The following CSMD1 variants were observed in gnomAD, a reference collection of about 807,000 sequenced individuals.
The protein encoded by CSMD1 is CUB and sushi domain-containing protein 1.
A neutral mutation model predicts 417.5 loss-of-function variants in CSMD1; 213 were observed. The ratio of observed to expected loss-of-function variants is 0.51; its 90% CI spans 0.46 to 0.57. The LOEUF (loss-of-function observed/expected upper bound fraction) is 0.57, where lower values mean the gene tolerates loss of function less well. Among genes scored for constraint, CSMD1 ranks in the 20% least tolerant of loss-of-function variants. The pLI, the probability that CSMD1 is intolerant of heterozygous loss-of-function variation, is 0.00. For missense variants in CSMD1, 6,923 were observed against 4,529.7 expected, an observed-to-expected ratio of 1.53 and a Z score of -15.17; for synonymous variants, 2,862 against 1,736.8, an observed-to-expected ratio of 1.65 and a Z score of -16.11.
chr8:4,844,373 C>G (rs1282572901), intron 1 of CSMD1, among the ~76,000 whole-genome samples: 1 of 152,080 alleles, frequency 6.6e-6, no homozygotes, highest in Non-Finnish European at 1.5e-5. Context: ...AACTCATGCC[C>G]TTCCCATAGG....
intron 3 of CSMD1, among the ~76,000 whole-genome samples, chr8:4,348,918 C>G (rs1430862464): frequency 6.6e-6 from 1 of 152,136 alleles, no homozygotes; most frequent in African/African-American, 2.4e-5. Context: ...TGTGATATCA[C>G]AGCTATTGTT....
At chr8:4,376,117 A>G (rs1448556647) in intron 3 of CSMD1, among the ~76,000 whole-genome samples, 2 of 152,262 alleles carry the variant, frequency 1.3e-5, no homozygotes, top group East Asian at 1.9e-4. Context: ...CAGCTTATCA[A>G]AAGATATGGA....
chr8:4,246,359 T>C (rs1585090529), intron 3 of CSMD1, among the ~76,000 whole-genome samples: 2 of 152,164 alleles, frequency 1.3e-5, no homozygotes, highest in Admixed American at 6.5e-5. Context: ...GGTCAGTCCT[T>C]AGAAGAGTAG....
intron 11 of CSMD1, among the ~76,000 whole-genome samples, chr8:3,486,426 G>C (rs1485012670): frequency 2.6e-5 from 4 of 152,142 alleles, no homozygotes; most frequent in Non-Finnish European, 5.9e-5. Flanking sequence ...GTTTATTTGA[G>C]ATGAAAAACA....
chr8:3,481,382 A>T (rs931831547), intron 11 of CSMD1, among the ~76,000 whole-genome samples: 10 of 152,190 alleles, frequency 6.6e-5, no homozygotes, highest in Non-Finnish European at 7.3e-5. Context: ...CAATTAGAAC[A>T]GCGTCTGGTA....
chr8:4,724,375 T>C (rs1265072094), intron 1 of CSMD1, among the ~76,000 whole-genome samples: 1 of 152,080 alleles, frequency 6.6e-6, no homozygotes, highest in African/African-American at 2.4e-5. Flanking sequence ...GATTTTCTAG[T>C]TTTCTTATAA....
intron 1 of CSMD1, among the ~76,000 whole-genome samples, chr8:4,827,155 G>A (rs1399844992): frequency 1.3e-5 from 2 of 152,008 alleles, no homozygotes; most frequent in African/African-American, 4.8e-5. Flanking sequence ...AAGAAAACAG[G>A]TATACTAGCA....
intron 54 of CSMD1, among the ~76,000 whole-genome samples, chr8:2,987,951 T>C (rs1229420951): frequency 1.3e-5 from 2 of 151,542 alleles, no homozygotes; most frequent in South Asian, 2.1e-4. Flanking sequence ...CATAGGTAAA[T>C]GTGTACCATG....
chr8:3,098,521 T>G (rs1815498201), intron 46 of CSMD1, among the ~76,000 whole-genome samples: 1 of 152,198 alleles, frequency 6.6e-6, no homozygotes, highest in Non-Finnish European at 1.5e-5. Flanking sequence ...ATATTTTAGG[T>G]GAGATTTTAA....
At chr8:4,938,151 A>C (rs1228921094) in intron 1 of CSMD1, among the ~76,000 whole-genome samples, 1 of 152,220 alleles carries the variant, frequency 6.6e-6, no homozygotes, top group Non-Finnish European at 1.5e-5. Flanking sequence ...CTGATGTCAG[A>C]ACATAATAGA....
At position 4,017,228 on chromosome 8, in the gene CSMD1, A is replaced by G. The variant is rs968559410; in HGVS notation, c.610+14677T>C. 2.0e-5 allele frequency among the ~76,000 whole-genome samples: 3 copies of G among 152,118 alleles called. No homozygotes were observed. The East Asian group carries it at 5.8e-4, about 29-fold the overall frequency. ...GTTTTTTCTACTATTTTAAATTGTC[A>G]GCACTATTTTTTTCACAATTCAAGG... is the stretch of plus-strand genomic sequence containing the variant. On this transcript the variant is annotated intron_variant, in intron 4 of 69. Coordinates refer to ENST00000635120, the MANE Select transcript of CSMD1 (RefSeq NM_033225.6).
intron 49 of CSMD1, among the ~76,000 whole-genome samples, chr8:3,082,304 C>T (rs114065265): frequency 0.01 from 1,550 of 152,264 alleles, 27 homozygotes; most frequent in African/African-American, 0.036. Context: ...AACGGAGTCT[C>T]GTCAAGCAAG....
At chr8:4,485,302 G>T (rs571428451) in intron 2 of CSMD1, among the ~76,000 whole-genome samples, 5 of 152,152 alleles carry the variant, frequency 3.3e-5, no homozygotes, top group African/African-American at 1.2e-4. Context: ...TTTATCCCCA[G>T]TTGAAATTTT....
intron 8 of CSMD1, among the ~76,000 whole-genome samples, chr8:3,600,462 A>T (rs530498560): frequency 6.6e-6 from 1 of 152,252 alleles, no homozygotes; most frequent in Non-Finnish European, 1.5e-5. Context: ...GGTCAAGTGT[A>T]TCAGAATCAT....
chr8:4,445,096 GAAC>G (rs1273238522), intron 2 of CSMD1, among the ~76,000 whole-genome samples: 2 of 151,928 alleles, frequency 1.3e-5, no homozygotes, highest in East Asian at 1.9e-4. Flanking sequence ...TTACTTCTCT[GAAC>G]AACAAAAAAA....
chr8:3,772,262 G>T (rs144487810), intron 5 of CSMD1, among the ~76,000 whole-genome samples: 134 of 120,260 alleles, frequency 1.1e-3, no homozygotes, highest in African/African-American at 1.9e-3. Flanking sequence ...CATATATTTA[G>T]ACATACATAT....
intron 10 of CSMD1, among the ~76,000 whole-genome samples, chr8:3,535,050 C>G (rs1405927437): frequency 6.6e-6 from 1 of 152,140 alleles, no homozygotes; most frequent in Non-Finnish European, 1.5e-5. Flanking sequence ...TGGGCTTAAG[C>G]CAGTCTCCTG....
intron 2 of CSMD1, among the ~76,000 whole-genome samples, chr8:4,633,365 C>G (rs11136759): frequency 0.87 from 131,422 of 151,728 alleles, 57,226 homozygotes; most frequent in African/African-American, 0.95. Context: ...TCCTGCCTCA[C>G]CCTCCCTAGT....
rs151214382 is a variant in CSMD1 at position 4,688,602 on chromosome 8, T to G, written c.86-51044A>C. ...CAGAGAGTGAACACTCCCTATATTT[T>G]ATTCAACTGAATGTCATGTTGACTT... is the stretch of plus-strand genomic sequence containing the variant. On this transcript the variant is annotated intron_variant, in intron 1 of 69. Coordinates refer to ENST00000635120, the MANE Select transcript of CSMD1 (RefSeq NM_033225.6). 3.1e-3 allele frequency among the ~76,000 whole-genome samples: 477 copies of G among 152,290 alleles called. 2 individuals are homozygous for G. Among genetic ancestry groups the G allele is most frequent in the Non-Finnish European group, 5.1e-3 (346 of 67,992 alleles).
Sources: gnomAD v4.1 joint callset for allele counts (sites outside exome capture counted in the v4.1 genomes callset) on GRCh38, gnomAD v4.1.1 for gene constraint, MANE v1.5 for transcripts, NCBI Gene and HGNC (gene_info 2026-07-23, HGNC 2026-07-21) for gene names.